Variants in MGAT4C observed in about 807,000 individuals in gnomAD.
MGAT4C encodes the protein alpha-1,3-mannosyl-glycoprotein 4-beta-N-acetylglucosaminyltransferase C.
Under a neutral mutation model 40.1 loss-of-function variants are expected in MGAT4C, and 19 were observed. That is an observed-to-expected ratio of 0.47 (90% CI 0.33 to 0.70). The LOEUF (loss-of-function observed/expected upper bound fraction) is 0.70, where lower values mean the gene tolerates loss of function less well. Ranked by LOEUF, MGAT4C falls within the 30% of genes least tolerant of loss-of-function variation. MGAT4C has a pLI of 0.02. For synonymous variants in MGAT4C, 181 were observed against 187.1 expected, an observed-to-expected ratio of 0.97 and a Z score of 0.27; for missense variants, 491 against 563.2, an observed-to-expected ratio of 0.87 and a Z score of 1.30.
chr12:86,652,465 C>T (rs1963721647), intron 2 of MGAT4C, among the ~76,000 whole-genome samples: 1 of 151,882 alleles, frequency 6.6e-6, no homozygotes, highest in Non-Finnish European at 1.5e-5. Context: ...CACACCCAAC[C>T]TCCAATACAG....
chr12:86,602,883 CGTGTGTGTGTGT>C (rs35262458), intron 2 of MGAT4C, among the ~76,000 whole-genome samples: 9 of 147,680 alleles, frequency 6.1e-5, no homozygotes, highest in South Asian at 4.3e-4. Context: ...TGCCCATCTG[CGTGTGTGTGTGT>C]GTGTGTGTGT....
intron 1 of MGAT4C, among the ~76,000 whole-genome samples, chr12:86,179,988 G>T (rs184744154): frequency 6.6e-6 from 1 of 152,156 alleles, no homozygotes; most frequent in Non-Finnish European, 1.5e-5. Flanking sequence ...CATGGCAGCC[G>T]CTCCCATCAC....
intron 2 of MGAT4C, among the ~76,000 whole-genome samples, chr12:86,523,316 C>A (rs1335682986): frequency 6.6e-6 from 1 of 152,098 alleles, no homozygotes; most frequent in African/African-American, 2.4e-5. Context: ...TTTCAAATAA[C>A]TTCTTGATTT....
chr12:86,459,494 G>C (rs969278335), intron 2 of MGAT4C, among the ~76,000 whole-genome samples: 1 of 151,892 alleles, frequency 6.6e-6, no homozygotes, highest in African/African-American at 2.4e-5. Context: ...GCTGAGAATC[G>C]TTACTCACCA....
chr12:86,656,567 CAT>C (rs1281209618), intron 2 of MGAT4C, among the ~76,000 whole-genome samples: 10 of 152,174 alleles, frequency 6.6e-5, no homozygotes, highest in South Asian at 2.1e-4. Context: ...ATATTTCAAA[CAT>C]GTGTGCTGGA....
chr12:85,991,809 T>C (rs1458768063), intron 2 of MGAT4C, among the ~76,000 whole-genome samples: 1 of 152,130 alleles, frequency 6.6e-6, no homozygotes, highest in Non-Finnish European at 1.5e-5. Flanking sequence ...CTGGGCAATA[T>C]AGTGAGACCC....
chr12:86,765,896 C>A (rs1209805133), intron 1 of MGAT4C, among the ~76,000 whole-genome samples: 1 of 152,134 alleles, frequency 6.6e-6, no homozygotes, highest in African/African-American at 2.4e-5. Flanking sequence ...ACAACTGGTA[C>A]CAGCTGCTGC....
intron 1 of MGAT4C, among the ~76,000 whole-genome samples, chr12:86,144,997 T>C (rs1312547058): frequency 2.0e-5 from 3 of 152,086 alleles, no homozygotes; most frequent in Non-Finnish European, 4.4e-5. Context: ...AAAAAAAATA[T>C]TAAAGACTCA....
intron 1 of MGAT4C, among the ~76,000 whole-genome samples, chr12:86,230,362 A>G (rs571861471): frequency 6.6e-6 from 1 of 152,272 alleles, no homozygotes; most frequent in East Asian, 1.9e-4. Flanking sequence ...TGAAAAGGGA[A>G]AATGTCTTGG....
chr12:86,324,709 T>C (rs1381745961), intron 4 of MGAT4C, among the ~76,000 whole-genome samples: 6 of 152,050 alleles, frequency 3.9e-5, no homozygotes, highest in Admixed American at 3.9e-4. Flanking sequence ...GTTTTTTTTT[T>C]CTGCTTGTGC....
chr12:86,041,815 C>A (rs758770957), intron 2 of MGAT4C, among the ~76,000 whole-genome samples: 1 of 152,084 alleles, frequency 6.6e-6, no homozygotes, highest in Non-Finnish European at 1.5e-5. Flanking sequence ...GTGGAGAGTT[C>A]TGTAGGTGTC....
intron 3 of MGAT4C, among the ~76,000 whole-genome samples, chr12:86,422,467 T>C (rs922747375): frequency 5.3e-5 from 8 of 152,324 alleles, no homozygotes; most frequent in Middle Eastern, 3.4e-3. Context: ...TTTTCAACCC[T>C]TGACATCTTA....
At chr12:86,685,327 T>C (rs1950055095) in intron 2 of MGAT4C, among the ~76,000 whole-genome samples, 2 of 152,220 alleles carry the variant, frequency 1.3e-5, no homozygotes, top group Admixed American at 1.3e-4. Flanking sequence ...ATCAGGTTTG[T>C]CAAAGTTCAG....
chr12:86,445,691 G>A (rs956359506), intron 2 of MGAT4C, among the ~76,000 whole-genome samples: 1 of 152,092 alleles, frequency 6.6e-6, no homozygotes, highest in Non-Finnish European at 1.5e-5. Context: ...TTACATAATA[G>A]AATAAAATAT....
chr12:86,396,303 G>C (rs1405941673), intron 3 of MGAT4C, among the ~76,000 whole-genome samples: 1 of 152,046 alleles, frequency 6.6e-6, no homozygotes, highest in African/African-American at 2.4e-5. Flanking sequence ...AGCATTCCAG[G>C]TGATTCTCAT....
intron 1 of MGAT4C, among the ~76,000 whole-genome samples, chr12:86,056,686 A>G (rs1436861771): frequency 6.6e-6 from 1 of 152,172 alleles, no homozygotes; most frequent in Non-Finnish European, 1.5e-5. Flanking sequence ...TAGTGCTGCA[A>G]TAAACATACG....
chr12:86,179,231 T>A (rs192778104), intron 1 of MGAT4C, among the ~76,000 whole-genome samples: 3 of 152,188 alleles, frequency 2.0e-5, no homozygotes, highest in Non-Finnish European at 4.4e-5. Flanking sequence ...GCCATTGCCA[T>A]GTAAGAAGTG....
intron 2 of MGAT4C, among the ~76,000 whole-genome samples, chr12:86,603,800 T>TATATAGTATATATA (rs1961939756): frequency 1.5e-5 from 2 of 132,718 alleles, no homozygotes; most frequent in African/African-American, 5.6e-5. Flanking sequence ...ATAGTATATA[T>TATATAGTATATATA]ATTATATAGT....
At chr12:86,192,478 G>T (rs1017458918) in intron 1 of MGAT4C, among the ~76,000 whole-genome samples, 3 of 152,026 alleles carry the variant, frequency 2.0e-5, no homozygotes, top group Admixed American at 6.6e-5. Flanking sequence ...ACTTTGAGAC[G>T]CCTTGCAAGA....
Sources: gnomAD v4.1 joint callset for allele counts (sites outside exome capture counted in the v4.1 genomes callset) on GRCh38, gnomAD v4.1.1 for gene constraint, MANE v1.5 for transcripts, NCBI Gene and HGNC (gene_info 2026-07-23, HGNC 2026-07-21) for gene names.